Variants in SCP2 observed in about 807,000 individuals in gnomAD.
SCP2 encodes the protein sterol carrier protein 2, also known as SCP-2/3-oxoacyl-CoA thiolase.
SCP2 carries 48 observed loss-of-function variants against 71.4 expected under a neutral mutation model. That is an observed-to-expected ratio of 0.67 (90% confidence interval 0.53 to 0.86). The LOEUF (loss-of-function observed/expected upper bound fraction) is 0.86. Ranked by LOEUF, SCP2 falls within the 40% of genes least tolerant of loss-of-function variation. The pLI, the probability that SCP2 is intolerant of heterozygous loss-of-function variation, is 0.00. For synonymous variants in SCP2, 220 were observed against 218.1 expected (o/e 1.01, Z -0.08); for missense variants, 560 against 655.6 (o/e 0.85, Z 1.59).
chr1:52,928,828 C>T (rs1337757430), intron 1 of SCP2: 2 of 154,282 alleles, frequency 1.3e-5, no homozygotes, highest in Non-Finnish European at 2.9e-5. Context: ...CCTTATGAAG[C>T]GGAAGGACAT....
At chr1:52,956,014 A>G (rs976306078) in intron 5 of SCP2, among the ~76,000 whole-genome samples, 4 of 152,056 alleles carry the variant, frequency 2.6e-5, no homozygotes, top group African/African-American at 9.7e-5. Flanking sequence ...AAGAAAAATG[A>G]AATAAATAAA....
At position 53,050,662 on chromosome 1, in the gene SCP2, G is replaced by A; in HGVS notation, c.1602G>A (p.Lys534=). The change falls in exon 16 of 16, where the codon AAG becomes AAA. Residue 534 remains lysine (K), a synonymous_variant. Coordinates refer to ENST00000371514, the MANE Select transcript of SCP2 (RefSeq NM_002979.5). ...CTGGCAACATGGGTCTCGCTATGAA[G>A]TTACAAAATCTTCAGCTTCAGCCAG... ...KITGNMGLAM[K]LQNLQLQPGN... is the part of the protein sequence containing the mutation. 6.2e-7 allele frequency: 1 copy of A among 1,613,758 alleles called. No homozygotes were observed. The highest frequency in any genetic ancestry group is 1.3e-5 in the African/African-American group (1 of 75,018).
intron 1 of SCP2, among the ~76,000 whole-genome samples, chr1:52,935,807 G>T (rs1439558081): frequency 2.6e-5 from 4 of 151,702 alleles, no homozygotes; most frequent in Non-Finnish European, 4.4e-5. Flanking sequence ...GTGCAGTAGT[G>T]CATGCTTGTA....
intron 6 of SCP2, among the ~76,000 whole-genome samples, chr1:52,966,333 C>A (rs914686935): frequency 6.6e-6 from 1 of 151,524 alleles, no homozygotes; most frequent in Non-Finnish European, 1.5e-5. Context: ...AATTTTGTAG[C>A]TTTTCCAGTA....
chr1:53,043,587 T>G (rs1428881929), intron 14 of SCP2, among the ~76,000 whole-genome samples: 1 of 152,364 alleles, frequency 6.6e-6, no homozygotes, highest in Non-Finnish European at 1.5e-5. Flanking sequence ...TATGTGGTCT[T>G]GGGCAAGTTA....
chr1:53,014,192 A>G (rs1401989243), intron 11 of SCP2, among the ~76,000 whole-genome samples: 1 of 151,602 alleles, frequency 6.6e-6, no homozygotes, highest in African/African-American at 2.4e-5. Flanking sequence ...GGCGTGAGCC[A>G]CCGCGCCCGG....
At chr1:52,984,193 G>A (rs2150180038) in intron 10 of SCP2, among the ~76,000 whole-genome samples, 1 of 152,306 alleles carries the variant, frequency 6.6e-6, no homozygotes, top group South Asian at 2.1e-4. Flanking sequence ...TTCTGTTAGA[G>A]TTTTAGCTAC....
chr1:52,961,615 A>T lies in SCP2; in HGVS notation c.509A>T (p.His170Leu). 1.2e-6 allele frequency: 2 copies of T among 1,613,800 alleles called. No individual in the cohort carries two copies. Among genetic ancestry groups the T allele is most frequent in the East Asian group, 4.5e-5 (2 of 44,834 alleles). ...PQMFGYAGKE[H>L]MEKYGTKIEH... ...ATGTTTGGGTATGCTGGAAAAGAACATATGGAAAAATATGGTATGTTACAG... is the reference window on the plus strand; with the variant it reads ...ATGTTTGGGTATGCTGGAAAAGAACTTATGGAAAAATATGGTATGTTACAG... The change falls in exon 6 of 16, where the codon CAT becomes CTT. Residue 170 changes from histidine (H) to leucine (L), a missense_variant. His to Leu is a moderately conservative substitution (Grantham distance 99). Transcript: ENST00000371514.
chr1:52,960,654 A>G (rs989296243), intron 5 of SCP2, among the ~76,000 whole-genome samples: 31 of 146,996 alleles, frequency 2.1e-4, no homozygotes, highest in African/African-American at 7.8e-4. Flanking sequence ...GTATGTATAT[A>G]TGTGTATATA....
intron 6 of SCP2, among the ~76,000 whole-genome samples, chr1:52,970,621 T>C (rs1045150521): frequency 1.3e-5 from 2 of 151,988 alleles, no homozygotes; most frequent in Non-Finnish European, 2.9e-5. Flanking sequence ...CATATAGTCA[T>C]GGTTTGATCT....
At position 53,050,807 on chromosome 1, in the gene SCP2, A is replaced by G; in HGVS notation, c.*103A>G. ...AGACTGAAACTACACATTGGCAAAT[A>G]GCGTGGGATAGATTTGTTTCTTAAT... On this transcript the variant is annotated 3_prime_UTR_variant, in exon 16 of 16. Transcript: ENST00000371514. The G allele has an allele frequency of 1.2e-6, 1 of 841,954 alleles. No homozygotes were observed. The highest frequency in any genetic ancestry group is 1.4e-5 in the South Asian group (1 of 73,592). 52.2% of individuals were successfully genotyped at this position (841,954 alleles called of 1,614,324 possible).
chr1:53,048,006 C>T, intron 15 of SCP2, 69 bp downstream of exon 15: 1 of 1,077,776 alleles, frequency 9.3e-7, no homozygotes, highest in Non-Finnish European at 1.4e-6. Flanking sequence ...CATCTCCTGA[C>T]TCAGACTCTA....
At chr1:52,937,297 G>T (rs1653833424) in intron 1 of SCP2, among the ~76,000 whole-genome samples, 1 of 152,198 alleles carries the variant, frequency 6.6e-6, no homozygotes. Context: ...ACTACTGGGT[G>T]CAGAGTAGTG....
At chr1:52,954,837 G>A (rs1321471581) in intron 5 of SCP2, 33 bp downstream of exon 5, 1 of 1,547,796 alleles carries the variant, frequency 6.5e-7, no homozygotes, top group Admixed American at 1.7e-5. Flanking sequence ...TACTAAATGA[G>A]CTAATATAAC....
intron 11 of SCP2, among the ~76,000 whole-genome samples, chr1:53,012,011 A>C (rs772667839): frequency 2.2e-4 from 34 of 152,334 alleles, no homozygotes; most frequent in Non-Finnish European, 4.3e-4. Flanking sequence ...GGCCAGCCGT[A>C]GAAACTAGAA....
intron 11 of SCP2, among the ~76,000 whole-genome samples, chr1:52,998,970 C>T (rs935547121): frequency 6.6e-6 from 1 of 152,108 alleles, no homozygotes; most frequent in Admixed American, 6.5e-5. Flanking sequence ...AAAGAGATAC[C>T]TCAGGAAATC....
intron 5 of SCP2, among the ~76,000 whole-genome samples, chr1:52,961,066 CTTTTTT>C (rs774047289): frequency 8.7e-5 from 8 of 92,196 alleles, no homozygotes; most frequent in East Asian, 3.1e-4. Flanking sequence ...TCCTTTGGTT[CTTTTTT>C]TTTTTTTTTT....
intron 14 of SCP2, among the ~76,000 whole-genome samples, chr1:53,044,765 G>T (rs1663679913): frequency 6.6e-6 from 1 of 152,090 alleles, no homozygotes; most frequent in African/African-American, 2.4e-5. Context: ...TTGATTTCTT[G>T]GTGAATTTTT....
chr1:53,039,170 A>G (rs1663240796), intron 14 of SCP2, 124 bp downstream of exon 14: 1 of 1,212,772 alleles, frequency 8.2e-7, no homozygotes, highest in Non-Finnish European at 1.2e-6. Context: ...AAGAACCAGT[A>G]AATTCCAGGG....
Sources: allele counts gnomAD v4.1 joint callset (sites outside exome capture counted in the v4.1 genomes callset), GRCh38; gene constraint gnomAD v4.1.1; transcripts MANE v1.5; gene names NCBI Gene and HGNC (gene_info 2026-07-23, HGNC 2026-07-21).